Variants in ZNF347 observed in about 807,000 individuals in gnomAD.
The protein encoded by ZNF347 is CTD-2620I22.7.
A neutral mutation model predicts 12.9 loss-of-function variants in ZNF347; 19 were observed. The ratio of observed to expected loss-of-function variants is 1.47; its 90% CI spans 1.03 to 2.16. The LOEUF is 2.16. Ranked by LOEUF, ZNF347 falls within the 30% of genes most tolerant of loss-of-function variation. The probability of loss-of-function intolerance (pLI) is 0.00; values close to 1 mark genes in which losing one functional copy is unlikely to be tolerated. For synonymous variants in ZNF347, 328 were observed against 340.6 expected (o/e 0.96, Z 0.41); for missense variants, 1,005 against 990.6 (o/e 1.01, Z -0.19).
At position 53,140,530 on chromosome 19, in the gene ZNF347, C is replaced by T. The variant is rs149189980; in HGVS notation, c.2298G>A (p.Lys766=). ...RGIHTGEKPY[K]CNECGKAFSQ... Reference sequence around the variant, plus strand: ...TAAAGGCTTTGCCACACTCATTACACTTGTAAGGTTTCTCTCCAGTATGAA... The same window carrying T: ...TAAAGGCTTTGCCACACTCATTACATTTGTAAGGTTTCTCTCCAGTATGAA... Residue 766 remains lysine, a synonymous_variant, in exon 5 of 5, where the codon AAG becomes AAA. Coordinates refer to ENST00000334197, the MANE Select transcript of ZNF347 (RefSeq NM_032584.3). 10 of 1,613,522 alleles carry T rather than the reference C, an allele frequency of 6.2e-6. No individual in the cohort carries two copies. The highest frequency in any genetic ancestry group is 1.3e-5 in the African/African-American group (1 of 74,838).
rs1173491344 is a variant in ZNF347, at chr19:53,137,324, G to A, written c.*2984C>T. ...CTTCTTATTCTGCCCATCTGGCCAAGCTGATAATGTCCGTGTTCCCTCCTT... is the reference window on the plus strand; with the variant it reads ...CTTCTTATTCTGCCCATCTGGCCAAACTGATAATGTCCGTGTTCCCTCCTT... On this transcript the variant is annotated 3_prime_UTR_variant, in exon 5 of 5. Transcript: ENST00000334197. 3.9e-5 allele frequency: 6 copies of A among 152,158 alleles called. No homozygotes were observed. Among genetic ancestry groups the A allele is most frequent in the Non-Finnish European group, 7.3e-5 (5 of 68,032 alleles). The allele number at this position is 152,158 out of a possible 1,614,324, so 9.4% of individuals were successfully genotyped here.
Position 53,144,456 on chromosome 19 carries a change from A to G in ZNF347, c.272-1900T>C, listed in dbSNP as rs188058869. ...AGTACACACCCAAATATGTAAAGCTAATGTTAATAAATCTAAAGGGAGAGA... is the reference window on the plus strand; with the variant it reads ...AGTACACACCCAAATATGTAAAGCTGATGTTAATAAATCTAAAGGGAGAGA... On this transcript the variant is annotated intron_variant, in intron 4 of 4. Coordinates refer to ENST00000334197, the MANE Select transcript of ZNF347 (RefSeq NM_032584.3). Among the ~76,000 whole-genome samples the G allele has an allele frequency of 1.3e-4, 20 of 152,292 alleles. 1 individual carries two copies. The highest frequency in any genetic ancestry group is 1.2e-3 in the Admixed American group (19 of 15,288).
rs772408218 is a variant in ZNF347, at chr19:53,153,718, A to C, written c.15+15T>G. 6.2e-7 allele frequency: 1 copy of C among 1,613,302 alleles called. No homozygotes were observed. The highest frequency in any genetic ancestry group is 8.5e-7 in the Non-Finnish European group (1 of 1,179,196). On this transcript the variant is annotated intron_variant, in intron 2 of 4. Coordinates refer to ENST00000334197, the MANE Select transcript of ZNF347 (RefSeq NM_032584.3). ...AAATAAGAGACAGAACAATCCACTG[A>C]TAATATTACCTTACCTGGGTGAGAG...
Position 53,138,122 on chromosome 19 carries a change from A to G in ZNF347, c.*2186T>C, listed in dbSNP as rs1336821566. The G allele has an allele frequency of 6.9e-6, 1 of 144,838 alleles. No homozygotes were observed. The highest frequency in any genetic ancestry group is 1.5e-5 in the Non-Finnish European group (1 of 65,938). 9.0% of individuals were successfully genotyped at this position (144,838 alleles called of 1,614,324 possible). ...ACACCCAGCCAATATTTTTCATACAATTGTTTTTTTTGAGACAGGGTCTCG... is the reference window on the plus strand; with the variant it reads ...ACACCCAGCCAATATTTTTCATACAGTTGTTTTTTTTGAGACAGGGTCTCG... On this transcript the variant is annotated 3_prime_UTR_variant, in exon 5 of 5. Transcript: ENST00000334197.
At chr19:53,144,392 T>C (rs538657104) in intron 4 of ZNF347, among the ~76,000 whole-genome samples, 2 of 152,164 alleles carry the variant, frequency 1.3e-5, no homozygotes, top group East Asian at 1.9e-4. Context: ...CAGTATATAA[T>C]GAGAAAAGGA....
Position 53,136,797 on chromosome 19 carries a change from G to A in ZNF347, c.*3511C>T, listed in dbSNP as rs566024542. On this transcript the variant is annotated 3_prime_UTR_variant, in exon 5 of 5. Coordinates refer to ENST00000334197, the MANE Select transcript of ZNF347 (RefSeq NM_032584.3). ...TTTCACAAATATTTTCAAGAATGAC[G>A]TTGTGTAATGGGCCCTATGGGTTCA... 3 of 152,250 alleles carry A rather than the reference G, an allele frequency of 2.0e-5. No homozygotes were observed. The highest frequency in any genetic ancestry group is 2.1e-4 in the South Asian group (1 of 4,830). The allele number at this position is 152,250 out of a possible 1,614,324, so 9.4% of individuals were successfully genotyped here.
rs896225824 is a variant in ZNF347 at position 53,135,362 on chromosome 19, A to G, written c.*4946T>C. Reference sequence around the variant, plus strand: ...TATAGAGAGAGAGAGAGAGAGAGAGAGAGAGAAAGAGAGAGAGAGAGAGAG... The same window carrying G: ...TATAGAGAGAGAGAGAGAGAGAGAGGGAGAGAAAGAGAGAGAGAGAGAGAG... On this transcript the variant is annotated 3_prime_UTR_variant, in exon 5 of 5. Coordinates refer to ENST00000334197, the MANE Select transcript of ZNF347 (RefSeq NM_032584.3). 7.3e-5 allele frequency: 9 copies of G among 123,410 alleles called. No homozygotes were observed. The highest frequency in any genetic ancestry group is 1.7e-4 in the Admixed American group (2 of 11,860). 7.6% of individuals were successfully genotyped at this position (123,410 alleles called of 1,614,324 possible).
chr19:53,156,637 G>A (rs535050064), intron 1 of ZNF347, among the ~76,000 whole-genome samples: 2 of 152,234 alleles, frequency 1.3e-5, no homozygotes, highest in East Asian at 3.9e-4. Context: ...TAACAAATGT[G>A]TAAACTAAGT....
rs2090416728 is a variant in ZNF347, at chr19:53,140,702, T to C, written c.2126A>G (p.Tyr709Cys). The C allele has an allele frequency of 1.9e-6, 3 of 1,613,734 alleles. No homozygotes were observed. Among genetic ancestry groups the C allele is most frequent in the East Asian group, 4.5e-5 (2 of 44,892 alleles). ...GGCTTTCCCACACTGATTACACTCA[T>C]ATGGTTTCTCTCCAGTATGAACTCT... ...HQRVHTGEKP[Y>C]ECNQCGKAFS... Residue 709 changes from tyrosine to cysteine, a missense_variant, in exon 5 of 5, where the codon TAT becomes TGT. Physicochemically the swap from Tyr to Cys is radical, Grantham distance 194. Transcript: ENST00000334197.
intron 2 of ZNF347, among the ~76,000 whole-genome samples, chr19:53,151,323 CAGG>C (rs573243619): frequency 6.6e-4 from 101 of 152,034 alleles, no homozygotes; most frequent in Admixed American, 6.2e-3. Flanking sequence ...ATCACGAGGT[CAGG>C]AGATCAAGAC....
Position 53,140,562 on chromosome 19 carries a change from G to T in ZNF347, c.2266C>A (p.Arg756=), listed in dbSNP as rs142427199. ...FTQNSHLARH[R]GIHTGEKPYK... ...GGTTTCTCTCCAGTATGAATTCCCC[G>T]ATGTCTTGCAAGGTGTGAATTCTGA... The change falls in exon 5 of 5, where the codon CGG becomes AGG. Residue 756 remains arginine (R), a synonymous_variant. Transcript: ENST00000334197. 1 of 1,613,894 alleles carries T rather than the reference G, an allele frequency of 6.2e-7. No homozygotes were observed. Among genetic ancestry groups the T allele is most frequent in the South Asian group, 1.1e-5 (1 of 91,058 alleles).
At chr19:53,143,532 C>T (rs2090443445) in intron 4 of ZNF347, among the ~76,000 whole-genome samples, 1 of 151,766 alleles carries the variant, frequency 6.6e-6, no homozygotes, top group South Asian at 2.1e-4. Context: ...CCAGCTTCAT[C>T]CATGTCCCTA....
At chr19:53,152,556 G>A (rs963124736) in intron 2 of ZNF347, among the ~76,000 whole-genome samples, 2 of 151,936 alleles carry the variant, frequency 1.3e-5, no homozygotes, top group African/African-American at 2.4e-5. Flanking sequence ...GCAGTGAGCC[G>A]AGATTGCACC....
Position 53,140,255 on chromosome 19 carries a change from G to A in ZNF347, c.*53C>T, listed in dbSNP as rs1223433281. 9 of 1,464,958 alleles carry A rather than the reference G, an allele frequency of 6.1e-6. No homozygotes were observed. The highest frequency in any genetic ancestry group is 7.4e-6 in the Non-Finnish European group (8 of 1,088,140). 90.7% of individuals were successfully genotyped at this position (1,464,958 alleles called of 1,614,324 possible). Reference sequence around the variant, plus strand: ...CATAAATTCTCTGACGTTGTCAAAGGAATGAATTCTAACTGCAAAAGTTAC... The same window carrying A: ...CATAAATTCTCTGACGTTGTCAAAGAAATGAATTCTAACTGCAAAAGTTAC... On this transcript the variant is annotated 3_prime_UTR_variant, in exon 5 of 5. Transcript: ENST00000334197.
In ZNF347 at chr19:53,141,495, C is replaced by T. The variant is rs1221558852; in HGVS notation, c.1333G>A (p.Ala445Thr). ...CCGGTGTGAATTACCAGATGAATAG[C>T]TAGGCTTGAACGAACACCAAAGGCT... Reference protein sequence around the residue: ...GKAFGVRSSLAIHLVIHTGEK... With the variant: ...GKAFGVRSSLTIHLVIHTGEK... The change falls in exon 5 of 5, where the codon GCT (alanine) becomes ACT (threonine). Residue 445 changes from alanine (A) to threonine (T), a missense_variant. Coordinates refer to ENST00000334197, the MANE Select transcript of ZNF347 (RefSeq NM_032584.3). 6.2e-7 allele frequency: 1 copy of T among 1,612,442 alleles called. No homozygotes were observed. Among genetic ancestry groups the T allele is most frequent in the East Asian group, 2.2e-5 (1 of 44,656 alleles).
rs1310926967 is a variant in ZNF347 at position 53,137,493 on chromosome 19, T to C, written c.*2815A>G. The C allele has an allele frequency of 6.6e-6, 1 of 152,184 alleles. No homozygotes were observed. Among genetic ancestry groups the C allele is most frequent in the African/African-American group, 2.4e-5 (1 of 41,454 alleles). 9.4% of individuals were successfully genotyped at this position (152,184 alleles called of 1,614,324 possible). A position where few individuals can be genotyped will look rare whatever the true frequency, so the allele number is the denominator to read the frequency against. The stretch of plus-strand genomic sequence containing the variant: ...TTGGACCAGTTTGGGAAGTCAATCC[T>C]GCTTCTCACAGAAAGCCTCATTATG... On this transcript the variant is annotated 3_prime_UTR_variant, in exon 5 of 5. Coordinates refer to ENST00000334197, the MANE Select transcript of ZNF347 (RefSeq NM_032584.3).
chr19:53,142,613 TTTACACCGAAAAACAATA>T (rs745729564), intron 4 of ZNF347, 57 bp from the exon 5 acceptor site: 72 of 1,322,946 alleles, frequency 5.4e-5, no homozygotes, highest in Non-Finnish European at 6.3e-5. Flanking sequence ...AAACAAGTAT[TTTACACCGAAAAACAATA>T]TTACACCGAA....
At chr19:53,155,227 C>T (rs1173080382) in intron 1 of ZNF347, among the ~76,000 whole-genome samples, 2 of 151,098 alleles carry the variant, frequency 1.3e-5, no homozygotes, top group African/African-American at 2.4e-5. Flanking sequence ...CGTCAGCCAC[C>T]GTGCCTGGCC....
chr19:53,135,851 A>G lies in ZNF347; in HGVS notation c.*4457T>C, dbSNP rs1231098237. The stretch of plus-strand genomic sequence containing the variant: ...TATGCAAAGATAAATCACTTATTAA[A>G]GAATATATATCAGTTTTTTAAAATG... On this transcript the variant is annotated 3_prime_UTR_variant, in exon 5 of 5. Transcript: ENST00000334197. 2 of 152,200 alleles carry G rather than the reference A, an allele frequency of 1.3e-5. No homozygotes were observed. The highest frequency in any genetic ancestry group is 4.8e-5 in the African/African-American group (2 of 41,448). 9.4% of individuals were successfully genotyped at this position (152,200 alleles called of 1,614,324 possible). A position where few individuals can be genotyped will look rare whatever the true frequency, so the allele number is the denominator to read the frequency against.
Sources: gnomAD v4.1 joint callset for allele counts (sites outside exome capture counted in the v4.1 genomes callset) on GRCh38, gnomAD v4.1.1 for gene constraint, MANE v1.5 for transcripts, NCBI Gene and HGNC (gene_info 2026-07-23, HGNC 2026-07-21) for gene names.